The following C6orf52 variants were observed in gnomAD, a reference collection of about 807,000 sequenced individuals.
C6orf52 encodes chromosome 6 open reading frame 52.
A neutral mutation model predicts 16.6 loss-of-function variants in C6orf52; 16 were observed. That is an observed-to-expected ratio of 0.96 (90% CI 0.65 to 1.46). The LOEUF is 1.46. Among genes scored for constraint, C6orf52 ranks in the 40% most tolerant of loss-of-function variants. The probability of loss-of-function intolerance (pLI) is 0.00; values close to 1 mark genes in which losing one functional copy is unlikely to be tolerated. For missense variants in C6orf52, 166 were observed against 182.3 expected, an observed-to-expected ratio of 0.91 and a Z score of 0.52; for synonymous variants, 53 against 61.4, an observed-to-expected ratio of 0.86 and a Z score of 0.64.
chr6:10,693,590 G>A (rs1451177290), intron 1 of C6orf52, among the ~76,000 whole-genome samples: 2 of 152,194 alleles, frequency 1.3e-5, no homozygotes, highest in Non-Finnish European at 2.9e-5. Context: ...GATTTGAGAA[G>A]GATGGACTAT....
chr6:10,691,800 C>G (rs890216972), intron 1 of C6orf52, among the ~76,000 whole-genome samples: 3 of 152,108 alleles, frequency 2.0e-5, no homozygotes, highest in African/African-American at 4.8e-5. Flanking sequence ...CCTCTGAGCT[C>G]TGTAATTGGT....
At position 10,678,183 on chromosome 6, in the gene C6orf52, TAAAAAAAAAAA is replaced by T. The variant is rs377733205; in HGVS notation, c.316+4993_316+5003del. 5.8e-3 allele frequency among the ~76,000 whole-genome samples: 592 copies of T among 101,620 alleles called. 9 individuals are homozygous for T. The highest frequency in any genetic ancestry group is 0.022 in the African/African-American group (561 of 25,894). The allele number at this position is 101,620 out of a possible 152,430, so 66.7% of individuals were successfully genotyped here. A position where few individuals can be genotyped will look rare whatever the true frequency, so the allele number is the denominator to read the frequency against. The stretch of plus-strand genomic sequence containing the variant: ...CCTGGGCAACAGAGTGAGACTGTCT[TAAAAAAAAAAA>T]AAAAAAAAAAAAAGACAGAGAGAGT... On this transcript the variant is annotated intron_variant, in intron 4 of 4. Transcript: ENST00000259983.
chr6:10,691,255 A>C (rs1769271372), intron 1 of C6orf52, among the ~76,000 whole-genome samples: 1 of 152,210 alleles, frequency 6.6e-6, no homozygotes, highest in Non-Finnish European at 1.5e-5. Context: ...GAGTTTAAGA[A>C]AGAAGGGCTT....
intron 4 of C6orf52, among the ~76,000 whole-genome samples, chr6:10,676,040 G>A (rs1767847713): frequency 6.6e-6 from 1 of 152,128 alleles, no homozygotes; most frequent in Non-Finnish European, 1.5e-5. Flanking sequence ...TCTGAGACTG[G>A]GTTCATTTGA....
At chr6:10,679,583 A>C (rs891932856) in intron 4 of C6orf52, among the ~76,000 whole-genome samples, 29 of 146,534 alleles carry the variant, frequency 2.0e-4, no homozygotes, top group African/African-American at 6.4e-4. Context: ...AAAAAAAACA[A>C]AAAACAAAAA....
intron 2 of C6orf52, 123 bp downstream of exon 2, chr6:10,687,357 C>T (rs1188627679): frequency 2.0e-5 from 17 of 835,702 alleles, no homozygotes; most frequent in African/African-American, 3.5e-5. Flanking sequence ...AAAACCTGCA[C>T]GTTCTGCACA....
At chr6:10,690,788 T>C (rs1209768156) in intron 1 of C6orf52, among the ~76,000 whole-genome samples, 1 of 152,220 alleles carries the variant, frequency 6.6e-6, no homozygotes, top group Non-Finnish European at 1.5e-5. Context: ...ACATTGGTTG[T>C]TTCTTGGCAG....
chr6:10,678,391 C>T (rs1301734831), intron 4 of C6orf52, among the ~76,000 whole-genome samples: 1 of 152,062 alleles, frequency 6.6e-6, no homozygotes, highest in Non-Finnish European at 1.5e-5. Flanking sequence ...GTTTTTGTTA[C>T]AGCTATTGTA....
intron 4 of C6orf52, among the ~76,000 whole-genome samples, chr6:10,679,047 C>T (rs983954546): frequency 5.3e-5 from 8 of 151,868 alleles, no homozygotes; most frequent in African/African-American, 1.9e-4. Flanking sequence ...GAGCCAAGAT[C>T]GCACCACTGC....
At chr6:10,683,085 G>T in intron 4 of C6orf52, 102 bp downstream of exon 4, 1 of 756,416 alleles carries the variant, frequency 1.3e-6, no homozygotes, top group Non-Finnish European at 2.1e-6. Flanking sequence ...ACCTACATTG[G>T]AATTTTCCAA....
At chr6:10,683,543 C>T (rs76142123) in intron 3 of C6orf52, among the ~76,000 whole-genome samples, 1,550 of 152,290 alleles carry the variant, frequency 0.01, 39 homozygotes, top group East Asian at 0.087. Context: ...GGAAACCAGA[C>T]ACCAGCGACC....
rs924246217 is a variant in C6orf52, at chr6:10,689,472, G to A, written c.-11-1911C>T. ...ACATTGTTAAGTGCCACCCAATATT[G>A]GTTTATTTTCTTCCTTAATAACAAT... On this transcript the variant is annotated intron_variant, in intron 1 of 4. Transcript: ENST00000259983. 2.0e-5 allele frequency among the ~76,000 whole-genome samples: 3 copies of A among 152,146 alleles called. No homozygotes were observed. The East Asian group carries it at 5.8e-4, about 29-fold the overall frequency.
chr6:10,681,586 C>T (rs1304348003), intron 4 of C6orf52, among the ~76,000 whole-genome samples: 1 of 152,168 alleles, frequency 6.6e-6, no homozygotes, highest in Non-Finnish European at 1.5e-5. Context: ...TATGATATGG[C>T]AGCAGCTGTT....
chr6:10,684,286 C>A (rs762800354), intron 3 of C6orf52, among the ~76,000 whole-genome samples: 1 of 151,980 alleles, frequency 6.6e-6, no homozygotes, highest in African/African-American at 2.4e-5. Flanking sequence ...CCAGCCTGGG[C>A]AAAAGAGCAA....
At chr6:10,673,884 G>T (rs1767638286) in intron 4 of C6orf52, among the ~76,000 whole-genome samples, 1 of 152,112 alleles carries the variant, frequency 6.6e-6, no homozygotes, top group African/African-American at 2.4e-5. Context: ...AATATATGCT[G>T]CATTTCAAAG....
At chr6:10,686,331 T>A (rs994517517) in intron 3 of C6orf52, among the ~76,000 whole-genome samples, 10 of 152,200 alleles carry the variant, frequency 6.6e-5, no homozygotes, top group Non-Finnish European at 1.0e-4. Context: ...CCACATTGAT[T>A]TAGCAAGAGT....
intron 4 of C6orf52, among the ~76,000 whole-genome samples, chr6:10,681,248 T>A (rs1017927470): frequency 6.6e-6 from 1 of 152,218 alleles, no homozygotes; most frequent in African/African-American, 2.4e-5. Flanking sequence ...AATTTACTGA[T>A]GTATAATTGT....
chr6:10,694,045 CG>C (rs1769608060), intron 1 of C6orf52, among the ~76,000 whole-genome samples: 1 of 152,042 alleles, frequency 6.6e-6, no homozygotes, highest in Non-Finnish European at 1.5e-5. Flanking sequence ...GGATCACCTG[CG>C]GTCGGGAGTT....
chr6:10,679,114 C>A (rs1203034443), intron 4 of C6orf52, among the ~76,000 whole-genome samples: 1 of 151,168 alleles, frequency 6.6e-6, no homozygotes, highest in Admixed American at 6.6e-5. Context: ...AATAAAAGAA[C>A]AAATTTGTTT....
Sources: gnomAD v4.1 joint callset for allele counts (sites outside exome capture counted in the v4.1 genomes callset) on GRCh38, gnomAD v4.1.1 for gene constraint, MANE v1.5 for transcripts, NCBI Gene and HGNC (gene_info 2026-07-23, HGNC 2026-07-21) for gene names.